TPD52: variants seen among roughly 807,000 people sequenced by gnomAD.
TPD52 encodes the protein prostate and colon associated protein.
In TPD52, 17 loss-of-function variants were observed where a neutral mutation model predicts 31.3. The observed-to-expected ratio is 0.54, with a 90% confidence interval of 0.37 to 0.82. The LOEUF is 0.82. Ranked by LOEUF, TPD52 falls within the 40% of genes least tolerant of loss-of-function variation. The probability of loss-of-function intolerance (pLI) is 0.00; values close to 1 mark genes in which losing one functional copy is unlikely to be tolerated. For missense variants in TPD52, 212 were observed against 240.1 expected (o/e 0.88, Z 0.77); for synonymous variants, 83 against 89.6 (o/e 0.93, Z 0.42).
In TPD52 at chr8:80,162,858, C is replaced by A. The variant is rs149763218; in HGVS notation, c.19+8567G>T. 5.6e-3 allele frequency among the ~76,000 whole-genome samples: 850 copies of A among 151,946 alleles called. 8 individuals carry two copies. Among genetic ancestry groups the A allele is most frequent in the African/African-American group, 0.019 (807 of 41,390 alleles). ...GGAGGATCACTTGAGCCCAGGAGTTCAAGGTTATGGTAATCTATGATTGAG... is the reference window on the plus strand; with the variant it reads ...GGAGGATCACTTGAGCCCAGGAGTTAAAGGTTATGGTAATCTATGATTGAG... On this transcript the variant is annotated intron_variant, in intron 1 of 7. Transcript: ENST00000518937.
At position 80,168,739 on chromosome 8, in the gene TPD52, T is replaced by C. The variant is rs1369055812; in HGVS notation, c.19+2686A>G. ...CAGCACTGCCTTATCAGCAACTCTC[T>C]GGCTAAGTTCTGCTTCTTGAGAATA... On this transcript the variant is annotated intron_variant, in intron 1 of 7. Coordinates refer to ENST00000518937, the MANE Select transcript of TPD52 (RefSeq NM_001025253.3). Among the ~76,000 whole-genome samples, 3 of 152,220 alleles carry C rather than the reference T, an allele frequency of 2.0e-5. No individual in the cohort carries two copies. The East Asian group carries it at 5.8e-4, about 29-fold the overall frequency.
chr8:80,042,359 GCA>G, intron 7 of TPD52: 1 of 985,394 alleles, frequency 1.0e-6, no homozygotes, highest in Non-Finnish European at 1.2e-6. Context: ...GCAAAAAGCA[GCA>G]CAAATTTCTA....
At chr8:80,117,503 G>T (rs1257749910) in intron 1 of TPD52, among the ~76,000 whole-genome samples, 1 of 152,036 alleles carries the variant, frequency 6.6e-6, no homozygotes, top group Non-Finnish European at 1.5e-5. Flanking sequence ...TAAAAAAATG[G>T]GAAGACATCC....
intron 1 of TPD52, among the ~76,000 whole-genome samples, chr8:80,098,546 A>C (rs1806496957): frequency 6.6e-6 from 1 of 152,254 alleles, no homozygotes; most frequent in African/African-American, 2.4e-5. Flanking sequence ...GAACTATTAC[A>C]GAATTACAAG....
intron 7 of TPD52, chr8:80,042,090 A>G (rs1400015604): frequency 1.5e-6 from 1 of 684,806 alleles, no homozygotes; most frequent in Non-Finnish European, 1.8e-6. Flanking sequence ...CTCCATCTCA[A>G]AAAAAAAAAA....
chr8:80,077,317 T>C (rs1199785678), intron 1 of TPD52, among the ~76,000 whole-genome samples: 1 of 151,346 alleles, frequency 6.6e-6, no homozygotes, highest in Non-Finnish European at 1.5e-5. Flanking sequence ...ATAGGTGCTA[T>C]GTAAATAACA....
At chr8:80,161,778 G>A (rs929551588) in intron 1 of TPD52, among the ~76,000 whole-genome samples, 1 of 148,690 alleles carries the variant, frequency 6.7e-6, no homozygotes, top group Non-Finnish European at 1.5e-5. Context: ...CACCCAGACT[G>A]GAGTGCAGAG....
intron 1 of TPD52, among the ~76,000 whole-genome samples, chr8:80,104,660 G>A (rs1444515738): frequency 2.3e-5 from 2 of 85,820 alleles, no homozygotes; most frequent in East Asian, 9.0e-4. Flanking sequence ...TGAGTCTGCT[G>A]ATTTTTTTTT....
Position 80,037,687 on chromosome 8 carries a change from A to AC in TPD52, c.*428_*429insG, listed in dbSNP as rs1810006324. 1 of 153,196 alleles carries AC rather than the reference A, an allele frequency of 6.5e-6. No homozygotes were observed. The highest frequency in any genetic ancestry group is 6.5e-5 in the Admixed American group (1 of 15,354). 9.5% of individuals were successfully genotyped at this position (153,196 alleles called of 1,614,324 possible). Reference sequence around the variant, plus strand: ...ACTTTTAATTACCAGGATTCAGAATATTTAAGAGAACAATTTTAGTTAAGA... The same window carrying AC: ...ACTTTTAATTACCAGGATTCAGAATACTTTAAGAGAACAATTTTAGTTAAGA... On this transcript the variant is annotated 3_prime_UTR_variant, in exon 8 of 8. Transcript: ENST00000518937.
rs146644294 is a variant in TPD52 at position 80,105,777 on chromosome 8, G to A, written c.20-41184C>T. On this transcript the variant is annotated intron_variant, in intron 1 of 7. Transcript: ENST00000518937. ...GATGGAGTCTGGCTCCGTCACCCAGGCTGGAGTGCAGCGGTGCAATCTTGG... is the reference window on the plus strand; with the variant it reads ...GATGGAGTCTGGCTCCGTCACCCAGACTGGAGTGCAGCGGTGCAATCTTGG... Among the ~76,000 whole-genome samples, 24 of 148,140 alleles carry A rather than the reference G, an allele frequency of 1.6e-4. No homozygotes were observed. In the East Asian group the frequency reaches 4.3e-3, roughly 27 times the overall value.
chr8:80,159,669 T>C (rs2031287310), intron 1 of TPD52, among the ~76,000 whole-genome samples: 1 of 152,126 alleles, frequency 6.6e-6, no homozygotes, highest in African/African-American at 2.4e-5. Context: ...AAATAAAACA[T>C]GAAAAGCATT....
rs1222887888 is a variant in TPD52, at chr8:80,036,121, C to A, written c.*1995G>T. 6.6e-6 allele frequency: 1 copy of A among 152,128 alleles called. No individual in the cohort carries two copies. Among genetic ancestry groups the A allele is most frequent in the African/African-American group, 2.4e-5 (1 of 41,432 alleles). The allele number at this position is 152,128 out of a possible 1,614,324, so 9.4% of individuals were successfully genotyped here. A position where few individuals can be genotyped will look rare whatever the true frequency, so the allele number is the denominator to read the frequency against. ...CTTTCACAGCCACCCCCAATACCCA[C>A]CTTCATCCACTCACCCCACTTGCCA... On this transcript the variant is annotated 3_prime_UTR_variant, in exon 8 of 8. Coordinates refer to ENST00000518937, the MANE Select transcript of TPD52 (RefSeq NM_001025253.3).
intron 1 of TPD52, among the ~76,000 whole-genome samples, chr8:80,149,243 T>C (rs1229283878): frequency 2.0e-5 from 3 of 152,166 alleles, no homozygotes; most frequent in African/African-American, 4.8e-5. Context: ...CTTGTGATAG[T>C]AAGTCTCATG....
rs1808930582 is a variant in TPD52, at chr8:80,130,269, C to T, written c.19+41156G>A. Among the ~76,000 whole-genome samples, 4 of 152,160 alleles carry T rather than the reference C, an allele frequency of 2.6e-5. No individual in the cohort carries two copies. The South Asian group carries it at 8.3e-4, about 32-fold the overall frequency. On this transcript the variant is annotated intron_variant, in intron 1 of 7. Coordinates refer to ENST00000518937, the MANE Select transcript of TPD52 (RefSeq NM_001025253.3). ...GTCAGTATTTCAGGCTTGATGAAAC[C>T]ACCATTAAAAACTTCTAACTTACTT...
chr8:80,051,449 G>T, intron 4 of TPD52, 78 bp downstream of exon 4: 1 of 1,389,080 alleles, frequency 7.2e-7, no homozygotes, highest in Non-Finnish European at 1.0e-6. Flanking sequence ...TAGAGCCAAG[G>T]TCAGGAAACA....
At chr8:80,143,225 G>C (rs1035005882) in intron 1 of TPD52, among the ~76,000 whole-genome samples, 2 of 152,134 alleles carry the variant, frequency 1.3e-5, no homozygotes, top group Admixed American at 6.5e-5. Context: ...AACAATGCTT[G>C]TCAAATCACT....
intron 1 of TPD52, among the ~76,000 whole-genome samples, chr8:80,099,689 T>C (rs1411881246): frequency 2.0e-5 from 3 of 152,140 alleles, no homozygotes; most frequent in African/African-American, 7.2e-5. Context: ...TTTTGTATTT[T>C]TAGTAGAGAC....
intron 5 of TPD52, among the ~76,000 whole-genome samples, chr8:80,047,813 AG>A (rs1245138542): frequency 5.9e-5 from 9 of 152,222 alleles, no homozygotes; most frequent in Non-Finnish European, 1.3e-4. Flanking sequence ...AAATATCTAC[AG>A]GGGCACATGA....
At chr8:80,165,840 T>C (rs1811674029) in intron 1 of TPD52, among the ~76,000 whole-genome samples, 1 of 152,238 alleles carries the variant, frequency 6.6e-6, no homozygotes, top group Admixed American at 6.5e-5. Flanking sequence ...CTCCTGTTAA[T>C]CTATCTCATG....
Sources: gnomAD v4.1 joint callset for allele counts (sites outside exome capture counted in the v4.1 genomes callset) on GRCh38, gnomAD v4.1.1 for gene constraint, MANE v1.5 for transcripts, NCBI Gene and HGNC (gene_info 2026-07-23, HGNC 2026-07-21) for gene names.